FRYL: variants seen among roughly 807,000 people sequenced by gnomAD.
FRYL encodes the protein protein furry homolog-like.
A neutral mutation model predicts 351.2 loss-of-function variants in FRYL; 150 were observed. The observed-to-expected ratio is 0.43, with a 90% CI of 0.37 to 0.49. FRYL has a LOEUF of 0.49. Among genes scored for constraint, FRYL ranks in the 20% least tolerant of loss-of-function variants. The pLI is 0.00. For synonymous variants in FRYL, 1,153 were observed against 1,257.1 expected (o/e 0.92, Z 1.75); for missense variants, 3,036 against 3,619.3 (o/e 0.84, Z 4.13).
At chr4:48,651,024 C>T (rs1160354469) in intron 3 of FRYL, among the ~76,000 whole-genome samples, 10 of 152,128 alleles carry the variant, frequency 6.6e-5, no homozygotes, top group African/African-American at 2.4e-4. Flanking sequence ...TCCTATCATT[C>T]AAAACCAAAC....
intron 3 of FRYL, among the ~76,000 whole-genome samples, chr4:48,664,431 A>G (rs1374430534): frequency 1.3e-5 from 2 of 152,228 alleles, no homozygotes; most frequent in East Asian, 1.9e-4. Context: ...CAGATTTCCA[A>G]TTTTTCCTGC....
rs1218404909 is a variant in FRYL at position 48,681,119 on chromosome 4, A to T, written c.-81+3554T>A. The stretch of plus-strand genomic sequence containing the variant: ...ATGGGAGGAACAACTCTCTTTAAAA[A>T]ATCCATTTTAAGGTTCTTCTACATT... On this transcript the variant is annotated intron_variant, in intron 3 of 63. Transcript: ENST00000358350. 36 of 1,242,196 alleles carry T rather than the reference A, an allele frequency of 2.9e-5. 1 individual carries two copies. The highest frequency in any genetic ancestry group is 3.7e-5 in the Non-Finnish European group (36 of 964,464). 76.9% of individuals were successfully genotyped at this position (1,242,196 alleles called of 1,614,324 possible).
chr4:48,653,939 A>G (rs1245941362), intron 3 of FRYL: 1 of 1,219,122 alleles, frequency 8.2e-7, no homozygotes, highest in African/African-American at 1.6e-5. Flanking sequence ...CCTTGGCTTC[A>G]TTACCATGCA....
intron 9 of FRYL, among the ~76,000 whole-genome samples, chr4:48,608,084 A>G (rs1203234222): frequency 6.6e-6 from 1 of 152,216 alleles, no homozygotes; most frequent in Admixed American, 6.5e-5. Context: ...CTCAAACCAT[A>G]AGGTATTAAA....
At chr4:48,660,766 C>G (rs1760546596) in intron 3 of FRYL, among the ~76,000 whole-genome samples, 1 of 152,150 alleles carries the variant, frequency 6.6e-6, no homozygotes, top group Non-Finnish European at 1.5e-5. Flanking sequence ...GAGAATGGCA[C>G]TTAATCTGTA....
At chr4:48,623,788 C>T (rs574055424) in intron 4 of FRYL, among the ~76,000 whole-genome samples, 38 of 151,790 alleles carry the variant, frequency 2.5e-4, no homozygotes, top group African/African-American at 8.7e-4. Flanking sequence ...TAACCTCACT[C>T]GTAAGAGAAA....
Position 48,541,919 on chromosome 4 carries a change from T to C in FRYL, c.5687+108A>G, listed in dbSNP as rs1023651478. 13 of 735,122 alleles carry C rather than the reference T, an allele frequency of 1.8e-5. No homozygotes were observed. The African/African-American group carries it at 1.9e-4, about 11-fold the overall frequency. 45.5% of individuals were successfully genotyped at this position (735,122 alleles called of 1,614,324 possible). A position where few individuals can be genotyped will look rare whatever the true frequency, so the allele number is the denominator to read the frequency against. ...CTCCCCACTGGTAATCCATCTAATT[T>C]GGGCAGTATTGTGCTTACTAACAAT... On this transcript the variant is annotated intron_variant, in intron 45 of 63. Transcript: ENST00000358350.
intron 3 of FRYL, among the ~76,000 whole-genome samples, chr4:48,676,633 C>T (rs1424935723): frequency 2.0e-5 from 3 of 151,974 alleles, no homozygotes; most frequent in Admixed American, 6.6e-5. Context: ...CCTCGTGATC[C>T]GCCCGCCTCG....
chr4:48,533,169 C>T lies in FRYL; in HGVS notation c.6705+1376G>A, dbSNP rs1262136288. ...TCTGCTTGTCCACTGGCAAGTTGAG[C>T]TTGTGGTTCTGAACATAAGAAATGT... On this transcript the variant is annotated intron_variant, in intron 49 of 63. Transcript: ENST00000358350. 2.0e-5 allele frequency among the ~76,000 whole-genome samples: 3 copies of T among 151,974 alleles called. No individual in the cohort carries two copies. The East Asian group carries it at 5.8e-4, about 29-fold the overall frequency.
intron 49 of FRYL, among the ~76,000 whole-genome samples, chr4:48,531,927 T>C (rs1186205265): frequency 6.6e-6 from 1 of 152,134 alleles, no homozygotes; most frequent in Non-Finnish European, 1.5e-5. Context: ...GGTTTTTTTT[T>C]CTTCCCTACA....
chr4:48,675,824 G>C (rs916055120), intron 3 of FRYL, among the ~76,000 whole-genome samples: 17 of 152,238 alleles, frequency 1.1e-4, no homozygotes, highest in Non-Finnish European at 5.9e-5. Context: ...TGGGGCCTTG[G>C]AGAATCTTTA....
chr4:48,656,728 C>CTATATATATA (rs146914218), intron 3 of FRYL, among the ~76,000 whole-genome samples: 2 of 144,946 alleles, frequency 1.4e-5, no homozygotes, highest in Non-Finnish European at 3.0e-5. Flanking sequence ...ATATGACTGA[C>CTATATATATA]TATATATATA....
chr4:48,652,456 A>G (rs576266546), intron 3 of FRYL, among the ~76,000 whole-genome samples: 7 of 152,336 alleles, frequency 4.6e-5, no homozygotes, highest in African/African-American at 1.4e-4. Flanking sequence ...ATTTAACTTG[A>G]TTTAGTCAGT....
chr4:48,769,851 T>C (rs1252232979), intron 1 of FRYL, among the ~76,000 whole-genome samples: 1 of 152,224 alleles, frequency 6.6e-6, no homozygotes, highest in Non-Finnish European at 1.5e-5. Flanking sequence ...TGATTCCATT[T>C]ATGAGACATT....
At chr4:48,531,520 C>A (rs1306143397) in intron 49 of FRYL, among the ~76,000 whole-genome samples, 167 bp from the exon 50 acceptor site, 1 of 152,118 alleles carries the variant, frequency 6.6e-6, no homozygotes, top group East Asian at 1.9e-4. Flanking sequence ...AAAGAAAACA[C>A]AAGTTATTAT....
chr4:48,584,512 T>C (rs1285799334), intron 19 of FRYL, among the ~76,000 whole-genome samples: 1 of 152,158 alleles, frequency 6.6e-6, no homozygotes, highest in African/African-American at 2.4e-5. Flanking sequence ...AAATGAAGCA[T>C]CTCTAGCCCA....
chr4:48,627,702 T>A (rs1752098629), intron 4 of FRYL, among the ~76,000 whole-genome samples: 1 of 152,198 alleles, frequency 6.6e-6, no homozygotes, highest in South Asian at 2.1e-4. Flanking sequence ...TCAAGGACTT[T>A]GTATTAACTT....
chr4:48,586,309 G>GATA (rs1216829478), intron 19 of FRYL, among the ~76,000 whole-genome samples: 1 of 151,986 alleles, frequency 6.6e-6, no homozygotes, highest in African/African-American at 2.4e-5. Context: ...ATCATACACT[G>GATA]ATAATGCCCA....
At chr4:48,520,451 C>T (rs1724655649) in intron 55 of FRYL, 1 of 151,894 alleles carries the variant, frequency 6.6e-6, no homozygotes, top group African/African-American at 2.4e-5. Context: ...ATAAAAAAAG[C>T]ACATATGGCA....
Sources: gnomAD v4.1 joint callset for allele counts (sites outside exome capture counted in the v4.1 genomes callset) on GRCh38, gnomAD v4.1.1 for gene constraint, MANE v1.5 for transcripts, NCBI Gene and HGNC (gene_info 2026-07-23, HGNC 2026-07-21) for gene names.